The following GALK2 variants were observed in gnomAD, a reference collection of about 807,000 sequenced individuals.
GALK2 encodes galactokinase 2.
In GALK2, 36 loss-of-function variants were observed where a neutral mutation model predicts 52.4. The observed-to-expected ratio is 0.69, with a 90% CI of 0.53 to 0.91. GALK2 has a LOEUF of 0.91. Among genes scored for constraint, GALK2 ranks in the 40% least tolerant of loss-of-function variants. GALK2 has a pLI of 0.00. For synonymous variants in GALK2, 176 were observed against 199.1 expected (o/e 0.88, Z 0.98); for missense variants, 579 against 559.1 (o/e 1.04, Z -0.36).
At chr15:49,288,828 A>G (rs1460707329) in intron 7 of GALK2, among the ~76,000 whole-genome samples, 2 of 152,226 alleles carry the variant, frequency 1.3e-5, no homozygotes, top group Admixed American at 1.3e-4. Flanking sequence ...ATATGACAGC[A>G]GGAGCTTTTG....
chr15:49,290,666 T>C (rs1284577464), intron 7 of GALK2, among the ~76,000 whole-genome samples: 6 of 152,238 alleles, frequency 3.9e-5, no homozygotes, highest in Non-Finnish European at 8.8e-5. Flanking sequence ...GAGCCCACTG[T>C]CATCTCTTGG....
Position 49,363,169 on chromosome 15 carries a change from G to T in GALK2, c.427-4322G>T, listed in dbSNP as rs1368371823. Among the ~76,000 whole-genome samples the T allele has an allele frequency of 4.6e-5, 7 of 152,156 alleles. 1 individual carries two copies. The highest frequency in any genetic ancestry group is 4.6e-4 in the Admixed American group (7 of 15,276). ...TCCTAATTATGTGAAGAATGTCATT[G>T]GTAGTTTGATAGGAATAGCATTGAA... On this transcript the variant is annotated intron_variant, in intron 3 of 3. Coordinates refer to the GALK2 transcript ENST00000558399.
At position 49,292,486 on chromosome 15, in the gene GALK2, A is replaced by G. The variant is rs529513884; in HGVS notation, c.916A>G (p.Ile306Val). ...NPEEICRCLG[I>V]SLEELRTQIL... Reference sequence around the variant, plus strand: ...TGAGGAGATCTGCAGGTGTCTGGGAATTAGCCTGGAGGAACTCCGAACCCA... The same window carrying G: ...TGAGGAGATCTGCAGGTGTCTGGGAGTTAGCCTGGAGGAACTCCGAACCCA... Residue 306 changes from isoleucine to valine, a missense_variant, in exon 8 of 10, where the codon ATT (isoleucine) becomes GTT (valine). Transcript: ENST00000560031. The G allele has an allele frequency of 1.1e-5, 17 of 1,614,048 alleles. No homozygotes were observed. In the African/African-American group the frequency reaches 2.1e-4, roughly 20 times the overall value.
At chr15:49,289,093 A>G (rs2033672162) in intron 7 of GALK2, among the ~76,000 whole-genome samples, 1 of 152,192 alleles carries the variant, frequency 6.6e-6, no homozygotes, top group Admixed American at 6.5e-5. Context: ...GCAGTTTATC[A>G]TAATTGGATT....
chr15:49,366,593 T>A lies in GALK2; in HGVS notation c.427-898T>A, dbSNP rs1164360904. The A allele has an allele frequency of 1.9e-6, 3 of 1,600,518 alleles. No homozygotes were observed. In the East Asian group the frequency reaches 6.7e-5, roughly 36 times the overall value. ...CTTGGATGTGCCATTTCCAGACGCA[T>A]GCAAGATTGCTTCCTGAGCGGCTGT... is the stretch of plus-strand genomic sequence containing the variant. On this transcript the variant is annotated intron_variant, in intron 3 of 3. Coordinates refer to the GALK2 transcript ENST00000558399.
chr15:49,334,306 G>A, downstream of GALK2: 2 of 906,028 alleles, frequency 2.2e-6, no homozygotes, highest in Non-Finnish European at 2.6e-6. Context: ...TAAAGTTAAA[G>A]TTTGAAGTTA....
At chr15:49,247,484 A>G (rs370016865) in intron 5 of GALK2, among the ~76,000 whole-genome samples, 1 of 152,340 alleles carries the variant, frequency 6.6e-6, no homozygotes, top group Admixed American at 6.5e-5. Flanking sequence ...CAAATGGTCA[A>G]TGCCCTTATG....
intron 3 of GALK2, among the ~76,000 whole-genome samples, chr15:49,357,139 T>C (rs1255360347): frequency 6.7e-6 from 1 of 149,484 alleles, no homozygotes; most frequent in East Asian, 2.0e-4. Flanking sequence ...GCAGGAAAGA[T>C]CCAAAATTGA....
chr15:49,271,363 C>T (rs890176612), intron 5 of GALK2, among the ~76,000 whole-genome samples: 2 of 152,056 alleles, frequency 1.3e-5, no homozygotes, highest in East Asian at 3.9e-4. Flanking sequence ...CTGACTATTC[C>T]CTCCAACTCC....
At chr15:49,299,861 C>G (rs1433340034) in intron 8 of GALK2, among the ~76,000 whole-genome samples, 1 of 149,594 alleles carries the variant, frequency 6.7e-6, no homozygotes, top group Non-Finnish European at 1.5e-5. Flanking sequence ...TACTTTATGG[C>G]TGGGCATGTG....
intron 5 of GALK2, among the ~76,000 whole-genome samples, chr15:49,258,042 T>G (rs2091889634): frequency 6.6e-6 from 1 of 151,702 alleles, no homozygotes; most frequent in African/African-American, 2.4e-5. Context: ...CACAGTCACC[T>G]TAAGTATTGT....
At chr15:49,292,289 G>T in intron 7 of GALK2, 38 bp from the exon 8 acceptor site, 1 of 1,564,886 alleles carries the variant, frequency 6.4e-7, no homozygotes, top group South Asian at 1.1e-5. Flanking sequence ...ATCAAATTCT[G>T]AATCAAAACT....
intron 1 of GALK2, among the ~76,000 whole-genome samples, chr15:49,192,514 T>TATATATATATATAC (rs2086841408): frequency 1.6e-5 from 2 of 122,804 alleles, no homozygotes; most frequent in African/African-American, 2.9e-5. Flanking sequence ...TATATATATA[T>TATATATATATATAC]ATATATATAT....
chr15:49,219,095 G>C (rs1336044185), intron 3 of GALK2, among the ~76,000 whole-genome samples: 3 of 152,154 alleles, frequency 2.0e-5, no homozygotes, highest in African/African-American at 7.2e-5. Flanking sequence ...CCAAAGTGCT[G>C]GGATTGCAGG....
downstream of GALK2, chr15:49,334,360 T>A: frequency 4.6e-6 from 2 of 430,240 alleles, no homozygotes; most frequent in Non-Finnish European, 6.2e-6. Context: ...AAAGAATAAA[T>A]CAACAATTTA....
chr15:49,246,594 A>G (rs2091362205), intron 5 of GALK2, among the ~76,000 whole-genome samples: 1 of 152,168 alleles, frequency 6.6e-6, no homozygotes, highest in Non-Finnish European at 1.5e-5. Context: ...GAATTCTTGT[A>G]TGTGGATATC....
At chr15:49,175,993 T>G (rs931515859) in intron 1 of GALK2, among the ~76,000 whole-genome samples, 1 of 152,236 alleles carries the variant, frequency 6.6e-6, no homozygotes, top group Non-Finnish European at 1.5e-5. Context: ...GCTCGGCTCT[T>G]GAGACAGGAG....
At chr15:49,270,342 G>A (rs2030286422) in intron 5 of GALK2, among the ~76,000 whole-genome samples, 1 of 152,222 alleles carries the variant, frequency 6.6e-6, no homozygotes, top group African/African-American at 2.4e-5. Flanking sequence ...CTCATGATCA[G>A]AATAGAGGAA....
At chr15:49,216,730 C>T (rs186862926) in intron 2 of GALK2, among the ~76,000 whole-genome samples, 1 of 152,284 alleles carries the variant, frequency 6.6e-6, no homozygotes, top group East Asian at 1.9e-4. Flanking sequence ...ATCTAAATGC[C>T]CCCTCCTTGG....
Sources: allele counts gnomAD v4.1 joint callset (sites outside exome capture counted in the v4.1 genomes callset), GRCh38; gene constraint gnomAD v4.1.1; transcripts MANE v1.5; gene names NCBI Gene and HGNC (gene_info 2026-07-23, HGNC 2026-07-21).